The following PPP2R5C variants were observed in gnomAD, a reference collection of about 807,000 sequenced individuals.
The protein encoded by PPP2R5C is protein phosphatase 2 regulatory subunit B'gamma, also known as serine/threonine-protein phosphatase 2A 56 kDa regulatory subunit gamma isoform.
Under a neutral mutation model 68.9 loss-of-function variants are expected in PPP2R5C, and 7 were observed. The observed-to-expected ratio is 0.10, with a 90% confidence interval of 0.06 to 0.19. The LOEUF (loss-of-function observed/expected upper bound fraction) is 0.19, where lower values mean the gene tolerates loss of function less well. Ranked by LOEUF, PPP2R5C falls within the 10% of genes least tolerant of loss-of-function variation. The pLI, the probability that PPP2R5C is intolerant of heterozygous loss-of-function variation, is 1.00. For synonymous variants in PPP2R5C, 210 were observed against 222.2 expected, an observed-to-expected ratio of 0.95 and a Z score of 0.49; for missense variants, 348 against 641.3, an observed-to-expected ratio of 0.54 and a Z score of 4.94.
intron 3 of PPP2R5C, among the ~76,000 whole-genome samples, chr14:101,788,982 G>A (rs1353640444): frequency 1.3e-5 from 2 of 152,056 alleles, no homozygotes; most frequent in Admixed American, 6.5e-5. Flanking sequence ...ACTTGTGACT[G>A]GGTTATATTT....
chr14:101,894,270 G>A (rs894433806), intron 7 of PPP2R5C, among the ~76,000 whole-genome samples: 4 of 152,126 alleles, frequency 2.6e-5, no homozygotes, highest in African/African-American at 9.7e-5. Context: ...TTGACTTAGC[G>A]GTGGTTAGAC....
chr14:101,789,803 TA>T (rs1187671676), intron 3 of PPP2R5C: 1 of 151,916 alleles, frequency 6.6e-6, no homozygotes, highest in Admixed American at 6.6e-5. Context: ...TCAGAAACAA[TA>T]AAATGTGGAA....
At chr14:101,761,525 G>A (rs1174105733), upstream of PPP2R5C, among the ~76,000 whole-genome samples, 1 of 147,540 alleles carries the variant, frequency 6.8e-6, no homozygotes, top group South Asian at 2.1e-4. Context: ...GTTAGGGTAC[G>A]TGGGGGCGCG....
intron 3 of PPP2R5C, among the ~76,000 whole-genome samples, chr14:101,801,406 T>C (rs763056326): frequency 6.6e-6 from 1 of 152,316 alleles, no homozygotes; most frequent in Admixed American, 6.5e-5. Context: ...CTGTGGATAT[T>C]TGGGGAGTGA....
chr14:101,925,020 C>A (rs775462911), intron 13 of PPP2R5C, 121 bp from the exon 16 acceptor site: 4 of 1,124,868 alleles, frequency 3.6e-6, no homozygotes, highest in Non-Finnish European at 5.2e-6. Flanking sequence ...GGCCAGGGTG[C>A]CGCCAGCGAG....
At chr14:101,892,967 A>G (rs2720220) in intron 6 of PPP2R5C, 33 bp from the exon 9 acceptor site, 155,945 of 1,436,126 alleles carry the variant, frequency 0.11, 10,078 homozygotes, top group African/African-American at 0.26. Flanking sequence ...GGAATTCGTA[A>G]ATGTTCAAAC....
intron 1 of PPP2R5C, among the ~76,000 whole-genome samples, chr14:101,848,005 A>T (rs2140481431): frequency 6.6e-6 from 1 of 152,238 alleles, no homozygotes; most frequent in African/African-American, 2.4e-5. Context: ...TAGTTCTTAT[A>T]TCCCAATTGC....
chr14:101,778,284 G>A (rs1416613399), intron 2 of PPP2R5C, among the ~76,000 whole-genome samples: 3 of 152,024 alleles, frequency 2.0e-5, no homozygotes, highest in African/African-American at 7.3e-5. Context: ...TTGTTATTGA[G>A]TTGTTAGAGT....
At chr14:101,856,102 A>T (rs1350153576) in intron 1 of PPP2R5C, among the ~76,000 whole-genome samples, 2 of 152,174 alleles carry the variant, frequency 1.3e-5, no homozygotes, top group Non-Finnish European at 2.9e-5. Context: ...GAATGTTTGG[A>T]AGTTAACAGT....
intron 1 of PPP2R5C, among the ~76,000 whole-genome samples, chr14:101,855,481 G>C (rs1279731852): frequency 6.6e-6 from 1 of 152,194 alleles, no homozygotes. Context: ...GGTGGAATCT[G>C]AAACTATATC....
chr14:101,781,794 G>T lies in PPP2R5C; in HGVS notation c.94-4224G>T, dbSNP rs891788677. Among the ~76,000 whole-genome samples, 1 of 151,720 alleles carries T rather than the reference G, an allele frequency of 6.6e-6. No individual in the cohort carries two copies. The highest frequency in any genetic ancestry group is 2.4e-5 in the African/African-American group (1 of 41,294). On this transcript the variant is annotated intron_variant, in intron 2 of 14. Transcript: ENST00000328724. This position sits in a 1 kb window ranked among gnomAD's most constrained non-coding sequence, Gnocchi z 6.4. ...GCTCCAACCCTCTGCTTGGCCGCCCGCGAACCGCGCTCTCCCGTTTCCTTT... is the reference window on the plus strand; with the variant it reads ...GCTCCAACCCTCTGCTTGGCCGCCCTCGAACCGCGCTCTCCCGTTTCCTTT...
At chr14:101,898,342 A>C (rs1024100069) in intron 8 of PPP2R5C, among the ~76,000 whole-genome samples, 1 of 152,158 alleles carries the variant, frequency 6.6e-6, no homozygotes, top group African/African-American at 2.4e-5. Flanking sequence ...CACCTAAGCC[A>C]CTGTCCCAGC....
chr14:101,773,517 A>G (rs2037258854), intron 2 of PPP2R5C, among the ~76,000 whole-genome samples: 1 of 152,152 alleles, frequency 6.6e-6, no homozygotes, highest in South Asian at 2.1e-4. Context: ...CAAAGGCCCC[A>G]TGGAGGAAGT....
chr14:101,834,333 C>T (rs751550458), intron 1 of PPP2R5C, among the ~76,000 whole-genome samples: 2 of 152,218 alleles, frequency 1.3e-5, no homozygotes, highest in Non-Finnish European at 1.5e-5. Flanking sequence ...GCAGTGACGG[C>T]AGCACTGAGG....
At chr14:101,813,072 G>A (rs771375513) in intron 1 of PPP2R5C, among the ~76,000 whole-genome samples, 3 of 152,220 alleles carry the variant, frequency 2.0e-5, no homozygotes, top group Non-Finnish European at 4.4e-5. Context: ...CTGTGTCCAG[G>A]AGAACTGTCT....
At position 101,906,351 on chromosome 14, in the gene PPP2R5C, C is replaced by A. The variant is rs764840678; in HGVS notation, c.1024-51C>A. The A allele has an allele frequency of 6.5e-7, 1 of 1,531,002 alleles. No individual in the cohort carries two copies. Among genetic ancestry groups the A allele is most frequent in the Non-Finnish European group, 8.8e-7 (1 of 1,141,760 alleles). The allele number at this position is 1,531,002 out of a possible 1,614,324, so 94.8% of individuals were successfully genotyped here. On this transcript the variant is annotated intron_variant, in intron 9 of 13. Transcript: ENST00000334743. The surrounding 1 kb of genome is among the most constrained non-coding windows in gnomAD (Gnocchi z 4.0). ...ACAGGTTTAACAGCAAGGACAGCCA[C>A]CTGATGTCTCAGGCACAACCTCCAG...
intron 11 of PPP2R5C, 56 bp downstream of exon 13, chr14:101,909,746 T>C: frequency 7.7e-7 from 1 of 1,304,402 alleles, no homozygotes; most frequent in Non-Finnish European, 1.1e-6. Context: ...TAATCCTAAG[T>C]AAACCTCTTC....
chr14:101,818,784 T>G, intron 1 of PPP2R5C: 1 of 511,872 alleles, frequency 2.0e-6, no homozygotes, highest in Non-Finnish European at 3.5e-6. Flanking sequence ...ACCTTATATC[T>G]TATTGTTTTT....
chr14:101,804,509 A>G (rs1304272111), intron 3 of PPP2R5C, among the ~76,000 whole-genome samples: 3 of 152,196 alleles, frequency 2.0e-5, no homozygotes, highest in Non-Finnish European at 4.4e-5. Flanking sequence ...AAATATATAT[A>G]TATACACAAT....
Sources: gnomAD v4.1 joint callset for allele counts (sites outside exome capture counted in the v4.1 genomes callset) on GRCh38, gnomAD v4.1.1 for gene constraint, Gnocchi (gnomAD v3.1) non-coding constraint, MANE v1.5 for transcripts, NCBI Gene and HGNC (gene_info 2026-07-23, HGNC 2026-07-21) for gene names.